Variants in SRPX observed in about 807,000 individuals in gnomAD.
SRPX encodes the protein sushi repeat containing protein X-linked.
SRPX carries 24 observed loss-of-function variants against 38.1 expected under a neutral mutation model. That is an observed-to-expected ratio of 0.63 (90% CI 0.46 to 0.89). SRPX has a LOEUF of 0.89. SRPX is among the 40% of genes least tolerant of loss of function. SRPX has a pLI of 0.00. For missense variants in SRPX, 416 were observed against 377.8 expected, an observed-to-expected ratio of 1.10 and a Z score of -0.84; for synonymous variants, 184 against 153.8, an observed-to-expected ratio of 1.20 and a Z score of -1.45.
chrX:38,180,837 T>C (rs1032071437), intron 1 of SRPX, among the ~76,000 whole-genome samples: 2 of 112,235 alleles, frequency 1.8e-5, no homozygotes, highest in Non-Finnish European at 3.8e-5. Flanking sequence ...GAAAATATTA[T>C]AGAATGCTGA....
rs186089761 is a variant in SRPX at position 38,208,086 on chromosome X, G to A, written c.97+12610C>T. Among the ~76,000 whole-genome samples, 5 of 111,795 alleles carry A rather than the reference G, an allele frequency of 4.5e-5. No individual in the cohort carries two copies. The East Asian group carries it at 1.1e-3, about 25-fold the overall frequency. On this transcript the variant is annotated intron_variant, in intron 1 of 9. Transcript: ENST00000378533. ...ACCATATATTTCCAAAGTTCCCATA[G>A]GCAATGGCATGGAAATTTAACAAAG... is the stretch of plus-strand genomic sequence containing the variant.
chrX:38,198,950 C>T (rs1194640618), intron 1 of SRPX, among the ~76,000 whole-genome samples: 1 of 111,138 alleles, frequency 9.0e-6, no homozygotes, highest in Non-Finnish European at 1.9e-5. Context: ...CAGAAACCTG[C>T]CACTATCCTG....
chrX:38,156,915 A>G lies in SRPX; in HGVS notation c.1070T>C (p.Leu357Pro). The G allele has an allele frequency of 8.3e-7, 1 of 1,210,848 alleles. No individual in the cohort carries two copies. Among genetic ancestry groups the G allele is most frequent in the Non-Finnish European group, 1.1e-6 (1 of 895,194 alleles). The change falls in exon 8 of 10, where the codon CTC (leucine) becomes CCC (proline). Residue 357 changes from leucine (L) to proline (P), a missense_variant. Leu to Pro is a moderately conservative substitution (Grantham distance 98, BLOSUM62 -3). Transcript: ENST00000378533. ...TPTARNLLYR[L>P]QLGMLQQAQC... Reference sequence around the variant, plus strand: ...ACTCACCTGCAGCATTCCTAGCTGGAGCCGGTAAAGGAGGTTTCGGGCTGT... The same window carrying G: ...ACTCACCTGCAGCATTCCTAGCTGGGGCCGGTAAAGGAGGTTTCGGGCTGT...
intron 1 of SRPX, among the ~76,000 whole-genome samples, chrX:38,210,392 AC>A (rs1939297916): frequency 8.9e-6 from 1 of 112,024 alleles, no homozygotes; most frequent in Admixed American, 9.4e-5. Flanking sequence ...AACCTATTTA[AC>A]CCAGCCTTTT....
intron 1 of SRPX, among the ~76,000 whole-genome samples, chrX:38,212,267 G>A (rs1024607178): frequency 2.7e-5 from 3 of 111,710 alleles, no homozygotes; most frequent in African/African-American, 9.8e-5. Context: ...TTGAGTTAGA[G>A]AAGGGAGGAA....
At position 38,160,172 on chromosome X, in the gene SRPX, G is replaced by T; in HGVS notation, c.800C>A (p.Ala267Asp). 1 of 1,211,886 alleles carries T rather than the reference G, an allele frequency of 8.3e-7. No individual in the cohort carries two copies. Among genetic ancestry groups the T allele is most frequent in the East Asian group, 3.0e-5 (1 of 33,846 alleles). Residue 267 changes from alanine to aspartate, a missense_variant, in exon 7 of 10, where the codon GCC becomes GAC. Ala to Asp is a moderately radical substitution (Grantham distance 126). Coordinates refer to ENST00000378533, the MANE Select transcript of SRPX (RefSeq NM_006307.5). ...VRVKRCGKLNAPENGYMKCSS... is the reference protein window; with the variant it reads ...VRVKRCGKLNDPENGYMKCSS... The stretch of plus-strand genomic sequence containing the variant: ...GCACTTCATGTAACCATTCTCTGGG[G>T]CATTGAGTTTGCCACAGCGTTTGAC...
At chrX:38,213,957 C>A in intron 1 of SRPX, among the ~76,000 whole-genome samples, 1 of 111,975 alleles carries the variant, frequency 8.9e-6, no homozygotes, top group Non-Finnish European at 1.9e-5. Context: ...CACCTCCAGC[C>A]AGGCCCACCT....
rs756128109 is a variant in SRPX, at chrX:38,154,556, G to A, written c.1117C>T (p.His373Tyr). Reference protein sequence around the residue: ...QQAQCGLDLRHITVVELVGVF... With the variant: ...QQAQCGLDLRYITVVELVGVF... The stretch of plus-strand genomic sequence containing the variant: ...CCCACCAGCTCCACCACGGTGATGT[G>A]TCGAAGATCAAGGCCACACTGTGCT... The change falls in exon 9 of 10, where the codon CAC becomes TAC. Residue 373 changes from histidine to tyrosine, a missense_variant. By Grantham distance (83) the His-to-Tyr change is moderately conservative. Transcript: ENST00000378533. 1 of 1,208,842 alleles carries A rather than the reference G, an allele frequency of 8.3e-7. No individual in the cohort carries two copies.
At chrX:38,171,290 G>T (rs1938463276) in intron 4 of SRPX, among the ~76,000 whole-genome samples, 1 of 111,425 alleles carries the variant, frequency 9.0e-6, no homozygotes, top group Non-Finnish European at 1.9e-5. Context: ...ACAAAATGCT[G>T]TGCCTGACCC....
rs1232713029 is a variant in SRPX at position 38,156,991 on chromosome X, G to A, written c.994C>T (p.Leu332Phe). Residue 332 changes from leucine to phenylalanine, a missense_variant, in exon 8 of 10, where the codon CTT becomes TTT. Physicochemically the swap from Leu to Phe is conservative, Grantham distance 22. Coordinates refer to ENST00000378533, the MANE Select transcript of SRPX (RefSeq NM_006307.5). ...CTTTTCTCATAAAACTGATCCAGAAGTGCAGCTGCCGTTCTGACACCCACA... is the reference window on the plus strand; with the variant it reads ...CTTTTCTCATAAAACTGATCCAGAAATGCAGCTGCCGTTCTGACACCCACA... ...VNVGVRTAAA[L>F]LDQFYEKRRL... 6 of 1,209,894 alleles carry A rather than the reference G, an allele frequency of 5.0e-6. No individual in the cohort carries two copies. In the South Asian group the frequency reaches 5.3e-5, roughly 11 times the overall value.
intron 4 of SRPX, among the ~76,000 whole-genome samples, chrX:38,165,824 T>C (rs1938356582): frequency 8.9e-6 from 1 of 112,194 alleles, no homozygotes; most frequent in Non-Finnish European, 1.9e-5. Flanking sequence ...AGTTTTACTG[T>C]GGCTCTGGAC....
chrX:38,179,197 C>T (rs1317431674), intron 1 of SRPX, among the ~76,000 whole-genome samples: 6 of 111,634 alleles, frequency 5.4e-5, no homozygotes, highest in Non-Finnish European at 9.4e-5. Flanking sequence ...CTGCCCGCCT[C>T]GGCCTCACAA....
intron 1 of SRPX, among the ~76,000 whole-genome samples, chrX:38,218,201 C>T (rs895464016): frequency 1.8e-5 from 2 of 112,307 alleles, no homozygotes; most frequent in African/African-American, 3.2e-5. Context: ...GTAAGATTCA[C>T]GAAGCCTTTC....
At position 38,171,951 on chromosome X, in the gene SRPX, C is replaced by G; in HGVS notation, c.456G>C (p.Thr152=). Residue 152 remains threonine (T), a synonymous_variant, in exon 4 of 10, where the codon ACG becomes ACC. Transcript: ENST00000378533. ...RCEYYCSPGY[T]LKGERTVTCM... ...ATGTGACGGTCCGCTCCCCTTTCAA[C>G]GTGTATCCTGGTGAACAATAATACT... The G allele has an allele frequency of 8.3e-7, 1 of 1,211,667 alleles. No homozygotes were observed. Among genetic ancestry groups the G allele is most frequent in the Non-Finnish European group, 1.1e-6 (1 of 895,440 alleles).
chrX:38,207,090 C>A (rs1939225146), intron 1 of SRPX, among the ~76,000 whole-genome samples: 1 of 111,888 alleles, frequency 8.9e-6, no homozygotes, highest in Admixed American at 9.5e-5. Flanking sequence ...CCCAGGCCCT[C>A]TGTCTTTCAT....
rs754342485 is a variant in SRPX at position 38,194,879 on chromosome X, T to G, written c.98-16535A>C. Reference sequence around the variant, plus strand: ...TTGTTTTTGGTTTTTTTTTTTTTTTTTTTTTTTTTTTGAGATACAGTCTTG... The same window carrying G: ...TTGTTTTTGGTTTTTTTTTTTTTTTGTTTTTTTTTTTGAGATACAGTCTTG... On this transcript the variant is annotated intron_variant, in intron 1 of 9. Transcript: ENST00000378533. Among the ~76,000 whole-genome samples the G allele has an allele frequency of 2.9e-3, 268 of 91,213 alleles. 2 individuals carry two copies. Among genetic ancestry groups the G allele is most frequent in the Non-Finnish European group, 4.9e-3 (226 of 46,078 alleles). The allele number at this position is 91,213 out of a possible 115,157, so 79.2% of individuals were successfully genotyped here.
intron 1 of SRPX, among the ~76,000 whole-genome samples, chrX:38,220,189 G>A (rs2147136720): frequency 8.8e-6 from 1 of 113,628 alleles, no homozygotes; most frequent in East Asian, 2.8e-4. Context: ...GAGATTCAGG[G>A]GAGGCCCCGC....
chrX:38,179,573 C>G (rs1569209003), intron 1 of SRPX, among the ~76,000 whole-genome samples: 2 of 111,681 alleles, frequency 1.8e-5, no homozygotes, highest in Non-Finnish European at 3.8e-5. Flanking sequence ...TGAGGTTATT[C>G]AAATCCCCAT....
chrX:38,161,202 A>G, intron 5 of SRPX, 148 bp from the exon 6 acceptor site: 1 of 624,751 alleles, frequency 1.6e-6, no homozygotes, highest in Non-Finnish European at 2.3e-6. Flanking sequence ...GAAGAATAGA[A>G]TCTCCTAAGC....
Sources: allele counts gnomAD v4.1 joint callset (sites outside exome capture counted in the v4.1 genomes callset), GRCh38; gene constraint gnomAD v4.1.1; transcripts MANE v1.5; gene names NCBI Gene and HGNC (gene_info 2026-07-23, HGNC 2026-07-21).